The following MYO7B variants were observed in gnomAD, a reference collection of about 807,000 sequenced individuals.
MYO7B encodes myosin VIIB, also known as unconventional myosin-VIIb.
MYO7B carries 212 observed loss-of-function variants against 259.7 expected under a neutral mutation model. That is an observed-to-expected ratio of 0.82 (90% CI 0.73 to 0.91). The LOEUF (loss-of-function observed/expected upper bound fraction) is 0.91, where lower values mean the gene tolerates loss of function less well. MYO7B is among the 40% of genes least tolerant of loss of function. The pLI is 0.00. For synonymous variants in MYO7B, 1,197 were observed against 1,166.4 expected (o/e 1.03, Z -0.54); for missense variants, 2,732 against 2,813.5 (o/e 0.97, Z 0.66).
At chr2:127,625,300 G>A (rs1466885356) in intron 30 of MYO7B, 68 bp from the exon 31 acceptor site, 1 of 1,438,970 alleles carries the variant, frequency 6.9e-7, no homozygotes. Context: ...ACGGGACAGG[G>A]GCATCCTGGG....
chr2:127,550,348 T>C, intron 1 of MYO7B, among the ~76,000 whole-genome samples: 1 of 152,052 alleles, frequency 6.6e-6, no homozygotes, highest in Admixed American at 6.6e-5. Flanking sequence ...GGCAGCTCAC[T>C]TGAGGCCAGG....
intron 7 of MYO7B, among the ~76,000 whole-genome samples, chr2:127,575,628 G>GT (rs1208023886): frequency 3.9e-5 from 6 of 152,098 alleles, no homozygotes; most frequent in Admixed American, 1.3e-4. Context: ...ATAAGTAAAT[G>GT]TTTTTTTAAA....
chr2:127,633,108 C>T (rs1681609658), intron 39 of MYO7B, 150 bp from the exon 40 acceptor site: 3 of 628,156 alleles, frequency 4.8e-6, no homozygotes, highest in Non-Finnish European at 5.6e-6. Flanking sequence ...GGGCAGCCCC[C>T]AGGACATGCG....
At chr2:127,573,850 T>C in intron 6 of MYO7B, 70 bp from the exon 7 acceptor site, 1 of 1,590,868 alleles carries the variant, frequency 6.3e-7, no homozygotes, top group South Asian at 1.1e-5. Flanking sequence ...GAAGCCCTCT[T>C]ACATGATCCC....
Position 127,637,339 on chromosome 2 carries a change from G to T in MYO7B, c.6351G>T (p.Leu2117=). ...AGGGCTATAAGATGGATGACCTGCT[G>T]ACCTCATATGTGCAGCAGCTCCTGA... ...TSLGYKMDDL[L]TSYVQQLLSA... is the part of the protein sequence containing the mutation. Residue 2117 remains leucine, a synonymous_variant, in exon 48 of 48, where the codon CTG becomes CTT. Coordinates refer to ENST00000409816, the MANE Select transcript of MYO7B (RefSeq NM_001393586.1). 6.3e-7 allele frequency: 1 copy of T among 1,592,658 alleles called. No individual in the cohort carries two copies. The highest frequency in any genetic ancestry group is 1.1e-5 in the South Asian group (1 of 87,138).
intron 31 of MYO7B, chr2:127,626,090 AAG>A (rs1357931663): frequency 6.6e-6 from 1 of 152,380 alleles, no homozygotes; most frequent in African/African-American, 2.4e-5. Context: ...CAACAGTGAA[AAG>A]AGAGTTCGGT....
At position 127,580,988 on chromosome 2, in the gene MYO7B, G is replaced by A. The variant is rs1419753435; in HGVS notation, c.1080+166G>A. On this transcript the variant is annotated intron_variant, in intron 10 of 47. Coordinates refer to ENST00000409816, the MANE Select transcript of MYO7B (RefSeq NM_001393586.1). ...TGTATACTGCAGGTGCCTGAGGGTG[G>A]GCGCAGAGTGGGGCAGTGCCAAACA... Among the ~76,000 whole-genome samples the A allele has an allele frequency of 3.9e-5, 6 of 152,222 alleles. No homozygotes were observed. The East Asian group carries it at 1.2e-3, about 29-fold the overall frequency.
chr2:127,592,838 C>A lies in MYO7B; in HGVS notation c.2037C>A (p.Gly679=), dbSNP rs376474414. Residue 679 remains glycine, a synonymous_variant, in exon 17 of 48, where the codon GGC becomes GGA. Coordinates refer to ENST00000409816, the MANE Select transcript of MYO7B (RefSeq NM_001393586.1). ...GCCTGCGGCAGCTGCGATACTCGGG[C>A]ATGATGGAGACCGTGCACATCCGCA... ...ELCLRQLRYS[G]MMETVHIRKS... 6.2e-7 allele frequency: 1 copy of A among 1,610,444 alleles called. No homozygotes were observed. Among genetic ancestry groups the A allele is most frequent in the Non-Finnish European group, 8.5e-7 (1 of 1,179,046 alleles).
In MYO7B at chr2:127,613,748, A is replaced by G. The variant is rs149744203; in HGVS notation, c.3398+1145A>G. On this transcript the variant is annotated intron_variant, in intron 26 of 47. Coordinates refer to ENST00000409816, the MANE Select transcript of MYO7B (RefSeq NM_001393586.1). The surrounding 1 kb of genome is among the most constrained non-coding windows in gnomAD (Gnocchi z 4.3). ...GCATTGATTTTTTGTTTTAGGAGGC[A>G]ACTACCTTGGCTGGACTCAAACTCT... Among the ~76,000 whole-genome samples the G allele has an allele frequency of 4.0e-4, 61 of 152,324 alleles. No homozygotes were observed. In the East Asian group the frequency reaches 0.011, roughly 28 times the overall value.
chr2:127,627,392 G>T lies in MYO7B; in HGVS notation c.4460+82G>T. On this transcript the variant is annotated intron_variant, in intron 33 of 47. Transcript: ENST00000409816. This position sits in a 1 kb window ranked among gnomAD's most constrained non-coding sequence, Gnocchi z 5.6. ...GGGGCTCGGGGAGAGATGGGGAGAG[G>T]GGCAGTGTGCCGTCCCGGGTAACAG... 6.5e-7 allele frequency: 1 copy of T among 1,526,826 alleles called. No individual in the cohort carries two copies. Among genetic ancestry groups the T allele is most frequent in the East Asian group, 2.3e-5 (1 of 43,434 alleles). The allele number at this position is 1,526,826 out of a possible 1,614,324, so 94.6% of individuals were successfully genotyped here. A position where few individuals can be genotyped will look rare whatever the true frequency, so the allele number is the denominator to read the frequency against.
chr2:127,593,203 G>T (rs1679635807), intron 17 of MYO7B, among the ~76,000 whole-genome samples: 1 of 152,358 alleles, frequency 6.6e-6, no homozygotes, highest in Non-Finnish European at 1.5e-5. Context: ...CATGTCTGTA[G>T]TTGTACAGCA....
At chr2:127,554,247 T>A (rs752405107) in intron 1 of MYO7B, among the ~76,000 whole-genome samples, 1 of 152,122 alleles carries the variant, frequency 6.6e-6, no homozygotes, top group South Asian at 2.1e-4. Context: ...GCTAATTTTG[T>A]ATTTTTAGTA....
At chr2:127,593,066 A>G in intron 17 of MYO7B, 120 bp downstream of exon 17, 1 of 1,302,446 alleles carries the variant, frequency 7.7e-7, no homozygotes, top group Non-Finnish European at 1.1e-6. Context: ...CAGCCTTGCG[A>G]TGAGCCCTGT....
Position 127,626,981 on chromosome 2 carries a change from T to A in MYO7B, c.4222T>A (p.Tyr1408Asn), listed in dbSNP as rs752622103. 3 of 1,610,876 alleles carry A rather than the reference T, an allele frequency of 1.9e-6. No individual in the cohort carries two copies. Among genetic ancestry groups the A allele is most frequent in the African/African-American group, 2.7e-5 (2 of 74,860 alleles). ...ATCCAGGATCCCCCCTCAGGCCCCA[T>A]ACACTCAGAAGCAAGTCACACCACT... ...LVTAACAKAP[Y>N]TQKQVTPLAV... The change falls in exon 32 of 48, where the codon TAC becomes AAC. Residue 1408 changes from tyrosine (Y) to asparagine (N), a missense_variant. Transcript: ENST00000409816.
Position 127,634,265 on chromosome 2 carries a change from C to G in MYO7B, c.5601C>G (p.Ser1867Arg), listed in dbSNP as rs1292356380. Residue 1867 changes from serine (S) to arginine (R), a missense_variant, in exon 41 of 48, where the codon AGC becomes AGG. Coordinates refer to ENST00000409816, the MANE Select transcript of MYO7B (RefSeq NM_001393586.1). The stretch of plus-strand genomic sequence containing the variant: ...AGCTGGCCTCCTGGGAGGGCTGCAG[C>G]CTCTTCATCAAGATTTCAGACAAGG... ...RLQLASWEGC[S>R]LFIKISDKVI... 6.3e-7 allele frequency: 1 copy of G among 1,585,812 alleles called. No homozygotes were observed. The highest frequency in any genetic ancestry group is 1.4e-5 in the African/African-American group (1 of 73,292).
At chr2:127,618,209 G>T in intron 26 of MYO7B, among the ~76,000 whole-genome samples, 1 of 152,226 alleles carries the variant, frequency 6.6e-6, no homozygotes, top group Non-Finnish European at 1.5e-5. Flanking sequence ...TCGTCATTAC[G>T]GGAGTTACTA....
At chr2:127,589,479 T>C (rs1679458303) in intron 15 of MYO7B, among the ~76,000 whole-genome samples, 3 of 147,818 alleles carry the variant, frequency 2.0e-5, no homozygotes, top group Non-Finnish European at 4.5e-5. Flanking sequence ...GACTTTGTGC[T>C]GGGTAGATGG....
chr2:127,540,410 C>T (rs1348644385), intron 1 of MYO7B, among the ~76,000 whole-genome samples: 7 of 152,176 alleles, frequency 4.6e-5, no homozygotes, highest in African/African-American at 7.2e-5. Flanking sequence ...GTGATCCACC[C>T]GCCTCGGCCT....
At chr2:127,587,488 C>T (rs1245769901) in intron 14 of MYO7B, among the ~76,000 whole-genome samples, 2 of 152,008 alleles carry the variant, frequency 1.3e-5, no homozygotes, top group South Asian at 2.1e-4. Context: ...TGCAGATGGC[C>T]GTCTTCTCTC....
Sources: allele counts gnomAD v4.1 joint callset (sites outside exome capture counted in the v4.1 genomes callset), GRCh38; gene constraint gnomAD v4.1.1; non-coding constraint Gnocchi (gnomAD v3.1); transcripts MANE v1.5; gene names NCBI Gene and HGNC (gene_info 2026-07-23, HGNC 2026-07-21).